Variants in ST6GALNAC5 observed in about 807,000 individuals in gnomAD.
ST6GALNAC5 encodes the protein alpha-N-acetylgalactosaminide alpha-2,6-sialyltransferase 5.
Under a neutral mutation model 33.6 loss-of-function variants are expected in ST6GALNAC5, and 27 were observed. That is an observed-to-expected ratio of 0.80 (90% CI 0.59 to 1.11). The LOEUF is 1.11. Among genes scored for constraint, ST6GALNAC5 ranks in the 50% least tolerant of loss-of-function variants. The pLI is 0.00. For missense variants in ST6GALNAC5, 428 were observed against 454.0 expected (o/e 0.94, Z 0.52); for synonymous variants, 194 against 171.2 (o/e 1.13, Z -1.04).
chr1:77,015,604 G>A lies in ST6GALNAC5; in HGVS notation c.262-28600G>A, dbSNP rs147119982. Among the ~76,000 whole-genome samples, 16 of 152,224 alleles carry A rather than the reference G, an allele frequency of 1.1e-4. No individual in the cohort carries two copies. In the East Asian group the frequency reaches 3.1e-3, roughly 29 times the overall value. ...GTGGAGGAGACAGACCTGAATGCAG[G>A]CAAAAATGATACAAGGTGGACAGAG... On this transcript the variant is annotated intron_variant, in intron 2 of 4. Coordinates refer to ENST00000477717, the MANE Select transcript of ST6GALNAC5 (RefSeq NM_030965.3).
At position 76,984,913 on chromosome 1, in the gene ST6GALNAC5, A is replaced by G. The variant is rs541543232; in HGVS notation, c.262-59291A>G. 2.6e-5 allele frequency among the ~76,000 whole-genome samples: 4 copies of G among 152,344 alleles called. No individual in the cohort carries two copies. The South Asian group carries it at 8.3e-4, about 32-fold the overall frequency. On this transcript the variant is annotated intron_variant, in intron 2 of 4. Transcript: ENST00000477717. ...CACATAAACAGAACCAATGACAGAA[A>G]CCACATGATTATCTCAACAGATGCA...
At chr1:76,996,050 A>G (rs10873925) in intron 2 of ST6GALNAC5, among the ~76,000 whole-genome samples, 38,705 of 152,190 alleles carry the variant, frequency 0.25, 5,058 homozygotes, top group Middle Eastern at 0.38. Flanking sequence ...AACTTTCACA[A>G]ACATGGCCTC....
At chr1:77,038,856 G>A (rs1028085474) in intron 2 of ST6GALNAC5, among the ~76,000 whole-genome samples, 3 of 152,280 alleles carry the variant, frequency 2.0e-5, no homozygotes, top group Non-Finnish European at 4.4e-5. Context: ...GTATGTTTGG[G>A]GGTTTTGTTG....
chr1:76,912,473 G>A (rs1646924400), intron 2 of ST6GALNAC5, among the ~76,000 whole-genome samples: 1 of 151,776 alleles, frequency 6.6e-6, no homozygotes, highest in Non-Finnish European at 1.5e-5. Flanking sequence ...CAATTCCTGG[G>A]TATCCTTGTT....
intron 4 of ST6GALNAC5, among the ~76,000 whole-genome samples, chr1:77,055,835 G>A: frequency 6.6e-6 from 1 of 152,170 alleles, no homozygotes; most frequent in East Asian, 1.9e-4. Context: ...ATTAGCACTT[G>A]TCATTGTGTC....
chr1:77,025,407 C>T (rs1476920329), intron 2 of ST6GALNAC5, among the ~76,000 whole-genome samples: 2 of 151,926 alleles, frequency 1.3e-5, no homozygotes, highest in Non-Finnish European at 2.9e-5. Context: ...GTGGCAGATG[C>T]CTGTAATTCC....
chr1:76,942,456 C>G (rs1468219219), intron 2 of ST6GALNAC5, among the ~76,000 whole-genome samples: 5 of 152,112 alleles, frequency 3.3e-5, no homozygotes, highest in Non-Finnish European at 5.9e-5. Flanking sequence ...GTTGATACCG[C>G]CAGTATCCAT....
intron 2 of ST6GALNAC5, among the ~76,000 whole-genome samples, chr1:76,921,271 G>T (rs552213671): frequency 3.2e-4 from 49 of 152,262 alleles, no homozygotes; most frequent in African/African-American, 1.1e-3. Flanking sequence ...ATGGAGAAAA[G>T]ATAGTGGAAG....
At chr1:76,893,447 G>A (rs1043880827) in intron 2 of ST6GALNAC5, among the ~76,000 whole-genome samples, 1 of 152,254 alleles carries the variant, frequency 6.6e-6, no homozygotes, top group East Asian at 1.9e-4. Context: ...CCATTTGCTG[G>A]CAGTGATTTT....
intron 2 of ST6GALNAC5, among the ~76,000 whole-genome samples, chr1:77,042,793 AT>A (rs1012705078): frequency 5.9e-5 from 9 of 151,760 alleles, no homozygotes; most frequent in East Asian, 1.9e-4. Context: ...ATCTATCTTA[AT>A]TTTTTTTTAT....
intron 4 of ST6GALNAC5, among the ~76,000 whole-genome samples, chr1:77,061,375 C>G (rs1652570760): frequency 6.6e-6 from 1 of 151,928 alleles, no homozygotes; most frequent in Non-Finnish European, 1.5e-5. Context: ...AGACTTCGAT[C>G]CCTGACCCCA....
intron 2 of ST6GALNAC5, among the ~76,000 whole-genome samples, chr1:76,903,574 T>C (rs964521399): frequency 5.9e-5 from 9 of 152,154 alleles, no homozygotes; most frequent in African/African-American, 2.2e-4. Flanking sequence ...ACAAAAAACT[T>C]GTACACAAAG....
intron 2 of ST6GALNAC5, among the ~76,000 whole-genome samples, chr1:76,992,406 C>G (rs929574267): frequency 2.6e-5 from 4 of 152,184 alleles, no homozygotes; most frequent in Admixed American, 6.5e-5. Context: ...CTTCCAGAGG[C>G]CTTCCTGCCT....
At chr1:76,993,994 C>T (rs1446348209) in intron 2 of ST6GALNAC5, among the ~76,000 whole-genome samples, 1 of 152,084 alleles carries the variant, frequency 6.6e-6, no homozygotes, top group Non-Finnish European at 1.5e-5. Flanking sequence ...TGTGATTAAA[C>T]AAATTTGTTA....
intron 2 of ST6GALNAC5, among the ~76,000 whole-genome samples, chr1:76,882,554 C>G (rs1653805200): frequency 6.6e-6 from 1 of 152,088 alleles, no homozygotes; most frequent in Admixed American, 6.6e-5. Flanking sequence ...GAAAAGGAAA[C>G]TTTTTTAGTA....
In ST6GALNAC5 at chr1:77,044,204, C is replaced by A. The variant is rs370582645; in HGVS notation, c.262C>A (p.Pro88Thr). The A allele has an allele frequency of 1.3e-6, 2 of 1,592,988 alleles. No individual in the cohort carries two copies. Among genetic ancestry groups the A allele is most frequent in the Admixed American group, 1.7e-5 (1 of 59,000 alleles). Residue 88 changes from proline to threonine, a missense_variant and splice_region_variant, in exon 3 of 5, where the codon CCC becomes ACC. By Grantham distance (38) the Pro-to-Thr change is conservative. Coordinates refer to ENST00000477717, the MANE Select transcript of ST6GALNAC5 (RefSeq NM_030965.3). ...GTGTCCTTCTCCCCCTGCCTTCCAGCCCCTGAAAATGCACTGCAGGGACTG... is the reference window on the plus strand; with the variant it reads ...GTGTCCTTCTCCCCCTGCCTTCCAGACCCTGAAAATGCACTGCAGGGACTG... Reference protein sequence around the residue: ...DGYLGVADHKPLKMHCRDCAL... With the variant: ...DGYLGVADHKTLKMHCRDCAL...
chr1:77,061,830 C>T (rs1036249505), intron 4 of ST6GALNAC5, among the ~76,000 whole-genome samples: 1 of 152,180 alleles, frequency 6.6e-6, no homozygotes, highest in Non-Finnish European at 1.5e-5. Flanking sequence ...AAGAAATGAG[C>T]CAGTACTTCC....
intron 2 of ST6GALNAC5, among the ~76,000 whole-genome samples, chr1:76,949,414 A>G (rs1647656095): frequency 1.3e-5 from 2 of 152,120 alleles, no homozygotes; most frequent in Admixed American, 6.5e-5. Context: ...CACAATGGAT[A>G]GAGCTGGCGT....
At chr1:76,870,107 T>C (rs890696439) in intron 2 of ST6GALNAC5, among the ~76,000 whole-genome samples, 5 of 152,084 alleles carry the variant, frequency 3.3e-5, no homozygotes, top group African/African-American at 1.2e-4. Context: ...GGGGTAGGGG[T>C]GTTAGTAGAC....
Sources: gnomAD v4.1 joint callset for allele counts (sites outside exome capture counted in the v4.1 genomes callset) on GRCh38, gnomAD v4.1.1 for gene constraint, MANE v1.5 for transcripts, NCBI Gene and HGNC (gene_info 2026-07-23, HGNC 2026-07-21) for gene names.